TNR: variants seen among roughly 807,000 people sequenced by gnomAD.
TNR encodes the protein tenascin R.
Under a neutral mutation model 150.4 loss-of-function variants are expected in TNR, and 45 were observed. That is an observed-to-expected ratio of 0.30 (90% CI 0.24 to 0.38). The LOEUF (loss-of-function observed/expected upper bound fraction) is 0.38. TNR is among the 10% of genes least tolerant of loss of function. TNR has a pLI of 1.00. For missense variants in TNR, 1,544 were observed against 1,759.1 expected (o/e 0.88, Z 2.19); for synonymous variants, 687 against 678.4 (o/e 1.01, Z -0.20).
At chr1:175,705,382 T>C (rs1315742916) in intron 1 of TNR, among the ~76,000 whole-genome samples, 1 of 152,208 alleles carries the variant, frequency 6.6e-6, no homozygotes, top group Non-Finnish European at 1.5e-5. Context: ...AAAAAGCCAC[T>C]GTGATCTAGA....
intron 2 of TNR, among the ~76,000 whole-genome samples, chr1:175,478,196 C>T (rs1269845175): frequency 1.3e-5 from 2 of 152,178 alleles, no homozygotes; most frequent in Non-Finnish European, 2.9e-5. Flanking sequence ...TAGAAACTCC[C>T]AGTTTAATTT....
intron 1 of TNR, among the ~76,000 whole-genome samples, chr1:175,641,885 G>A (rs901098094): frequency 3.9e-5 from 6 of 152,108 alleles, no homozygotes; most frequent in Admixed American, 3.9e-4. Context: ...GGAAGAAAAT[G>A]TAATTTTCAT....
intron 1 of TNR, among the ~76,000 whole-genome samples, chr1:175,627,109 A>G (rs1664178877): frequency 6.6e-6 from 1 of 152,216 alleles, no homozygotes; most frequent in Admixed American, 6.5e-5. Context: ...CCACAAAGTA[A>G]TTTGCTGTGC....
At position 175,713,094 on chromosome 1, in the gene TNR, A is replaced by G. The variant is rs1667061425; in HGVS notation, c.-165+30132T>C. 2.0e-5 allele frequency among the ~76,000 whole-genome samples: 3 copies of G among 152,212 alleles called. No homozygotes were observed. In the South Asian group the frequency reaches 6.2e-4, roughly 31 times the overall value. On this transcript the variant is annotated intron_variant, in intron 1 of 22. Coordinates refer to ENST00000367674, the MANE Select transcript of TNR (RefSeq NM_003285.3). ...CAAACGGGACACCCAAGGAAGCAGG[A>G]GCGATAATGCTGGACGATAGGCTGG...
intron 1 of TNR, among the ~76,000 whole-genome samples, chr1:175,528,969 T>C (rs1041860054): frequency 1.1e-4 from 16 of 152,202 alleles, no homozygotes; most frequent in African/African-American, 2.4e-5. Flanking sequence ...AATAAATGCA[T>C]GCAAAACAAA....
chr1:175,428,266 C>G (rs1225321443), intron 2 of TNR, among the ~76,000 whole-genome samples: 2 of 152,114 alleles, frequency 1.3e-5, no homozygotes, highest in African/African-American at 4.8e-5. Flanking sequence ...AATGGTCTTC[C>G]TTTTTAATTC....
In TNR at chr1:175,390,788, A is replaced by G. The variant is rs189681016; in HGVS notation, c.1507+500T>C. On this transcript the variant is annotated intron_variant, in intron 7 of 22. Transcript: ENST00000367674. ...GTATTGAGCACTCACTCTCATCAGCACAGAGCTGATTGCTTTGTGTGCTTT... is the reference window on the plus strand; with the variant it reads ...GTATTGAGCACTCACTCTCATCAGCGCAGAGCTGATTGCTTTGTGTGCTTT... Among the ~76,000 whole-genome samples, 24 of 152,378 alleles carry G rather than the reference A, an allele frequency of 1.6e-4. No individual in the cohort carries two copies. In the East Asian group the frequency reaches 2.5e-3, roughly 16 times the overall value.
intron 2 of TNR, among the ~76,000 whole-genome samples, chr1:175,472,931 C>A (rs774594522): frequency 3.3e-5 from 5 of 152,102 alleles, no homozygotes; most frequent in Non-Finnish European, 5.9e-5. Flanking sequence ...GGGTATCTAG[C>A]TTTGGGAGAT....
chr1:175,407,179 A>G (rs187963818), intron 2 of TNR, among the ~76,000 whole-genome samples: 3 of 152,126 alleles, frequency 2.0e-5, no homozygotes, highest in African/African-American at 7.2e-5. Context: ...GTCCTCTCCT[A>G]TTTCCCCAGA....
intron 1 of TNR, among the ~76,000 whole-genome samples, chr1:175,696,184 C>T (rs1054832373): frequency 2.8e-5 from 4 of 143,192 alleles, no homozygotes; most frequent in African/African-American, 1.0e-4. Flanking sequence ...ACATGATTTG[C>T]TCATTTTATG....
chr1:175,541,311 G>A (rs1165645232), intron 1 of TNR, among the ~76,000 whole-genome samples: 1 of 152,232 alleles, frequency 6.6e-6, no homozygotes. Context: ...ACTAAAGCAG[G>A]AAGGCTTAGG....
intron 1 of TNR, among the ~76,000 whole-genome samples, chr1:175,736,091 C>A (rs995252667): frequency 6.6e-6 from 1 of 152,178 alleles, no homozygotes; most frequent in African/African-American, 2.4e-5. Flanking sequence ...CACCAAGTAC[C>A]CCAAGCTGCA....
intron 14 of TNR, among the ~76,000 whole-genome samples, chr1:175,361,525 T>C (rs1279808691): frequency 1.3e-5 from 2 of 152,230 alleles, no homozygotes; most frequent in African/African-American, 4.8e-5. Context: ...TCCTGCGCTG[T>C]CTTTAGAAGA....
chr1:175,438,535 C>T (rs959206530), intron 2 of TNR, among the ~76,000 whole-genome samples: 6 of 152,070 alleles, frequency 3.9e-5, no homozygotes, highest in Non-Finnish European at 7.4e-5. Context: ...CCAGGGCAAT[C>T]AGGCAGGAGA....
chr1:175,324,400 G>A lies in TNR; in HGVS notation c.3913C>T (p.Arg1305Trp), dbSNP rs778628919. 11 of 1,613,916 alleles carry A rather than the reference G, an allele frequency of 6.8e-6. No homozygotes were observed. The highest frequency in any genetic ancestry group is 3.3e-5 in the South Asian group (3 of 91,082). The stretch of plus-strand genomic sequence containing the variant: ...CCGTACTTCCCATTGAGGTTGGTCC[G>A]GTGGCAGTTCTTATACCACCATGCT... Reference protein sequence around the residue: ...KGAWWYKNCHRTNLNGKYGES... With the variant: ...KGAWWYKNCHWTNLNGKYGES... Residue 1305 changes from arginine (R) to tryptophan (W), a missense_variant, in exon 22 of 23, where the codon CGG (arginine) becomes TGG (tryptophan). By Grantham distance (101) the Arg-to-Trp change is moderately radical. This residue lies in a region of TNR where 290 missense variants were observed against 429.7 expected (regional missense o/e 0.67). Transcript: ENST00000367674.
intron 1 of TNR, among the ~76,000 whole-genome samples, chr1:175,547,564 GGAAAGAAAGAAAGAAAGAAAGAAA>G (rs61602065): frequency 8.8e-4 from 116 of 131,094 alleles, no homozygotes; most frequent in Admixed American, 4.4e-3. Context: ...AAAGATAGAA[GGAAAGAAAGAAAGAAAGAAAGAAA>G]GAAAGAAAGA....
At chr1:175,534,883 C>T (rs369413471) in intron 1 of TNR, among the ~76,000 whole-genome samples, 13 of 152,292 alleles carry the variant, frequency 8.5e-5, no homozygotes, top group African/African-American at 2.2e-4. Flanking sequence ...CTGCTGTTCT[C>T]ATGATAGTGA....
rs562710064 is a variant in TNR, at chr1:175,462,375, G to T, written c.-63-55598C>A. Among the ~76,000 whole-genome samples the T allele has an allele frequency of 4.4e-4, 67 of 152,294 alleles. 1 individual carries two copies. The South Asian group carries it at 0.013, about 31-fold the overall frequency. On this transcript the variant is annotated intron_variant, in intron 2 of 22. Coordinates refer to ENST00000367674, the MANE Select transcript of TNR (RefSeq NM_003285.3). ...AAAGATCAGTCTTCTCAGGCTTCTT[G>T]TGTGTACCGAAAACATTTTGATAAA...
intron 1 of TNR, among the ~76,000 whole-genome samples, chr1:175,653,622 T>C (rs1197719440): frequency 1.3e-5 from 2 of 152,180 alleles, no homozygotes; most frequent in Admixed American, 1.3e-4. Context: ...TTAAAGGATG[T>C]GATTAATTCA....
Sources: gnomAD v4.1 joint callset for allele counts (sites outside exome capture counted in the v4.1 genomes callset) on GRCh38, gnomAD v4.1.1 for gene constraint, gnomAD v4.1.1 regional missense constraint, MANE v1.5 for transcripts, NCBI Gene and HGNC (gene_info 2026-07-23, HGNC 2026-07-21) for gene names.